The following INSC variants were observed in gnomAD, a reference collection of about 807,000 sequenced individuals.
INSC encodes INSC spindle orientation adaptor protein.
INSC carries 67 observed loss-of-function variants against 58.6 expected under a neutral mutation model. The observed-to-expected ratio is 1.14, with a 90% confidence interval of 0.94 to 1.40. The LOEUF is 1.40. INSC is among the 40% of genes most tolerant of loss of function. The pLI is 0.00. For synonymous variants in INSC, 262 were observed against 276.1 expected (o/e 0.95, Z 0.51); for missense variants, 714 against 692.0 (o/e 1.03, Z -0.36).
chr11:15,250,176 G>C (rs988450779), downstream of INSC, among the ~76,000 whole-genome samples: 12 of 152,192 alleles, frequency 7.9e-5, no homozygotes, highest in African/African-American at 2.9e-4. Flanking sequence ...TATGGAGAAA[G>C]AGTCACCACT....
At chr11:15,148,818 G>A (rs1848559232) in intron 1 of INSC, among the ~76,000 whole-genome samples, 2 of 152,208 alleles carry the variant, frequency 1.3e-5, no homozygotes, top group Non-Finnish European at 2.9e-5. Context: ...AGTATGTCCT[G>A]TGCAATACGT....
intron 1 of INSC, among the ~76,000 whole-genome samples, chr11:15,115,716 C>T (rs1407069657): frequency 6.6e-6 from 1 of 152,186 alleles, no homozygotes; most frequent in Non-Finnish European, 1.5e-5. Flanking sequence ...GCAGTGCACC[C>T]ACGCTTACAT....
intron 1 of INSC, among the ~76,000 whole-genome samples, chr11:15,139,797 A>G (rs1322408030): frequency 6.6e-6 from 1 of 152,246 alleles, no homozygotes; most frequent in Non-Finnish European, 1.5e-5. Flanking sequence ...GAAGGTGGCT[A>G]AAAGGGCCAA....
chr11:15,129,703 G>A (rs1432774452), intron 1 of INSC, among the ~76,000 whole-genome samples: 1 of 152,018 alleles, frequency 6.6e-6, no homozygotes, highest in Non-Finnish European at 1.5e-5. Context: ...AACTATACTT[G>A]ACTTTTGAAT....
chr11:15,125,744 G>A lies in INSC; in HGVS notation c.-46+10741G>A, dbSNP rs116917818. On this transcript the variant is annotated intron_variant, in intron 1 of 12. Transcript: ENST00000379556. ...TGCTGGCTAATATGGGCATATTCTT[G>A]TGGGACTTTGGCCCTCTCAGGGAGA... Among the ~76,000 whole-genome samples, 14 of 152,210 alleles carry A rather than the reference G, an allele frequency of 9.2e-5. No homozygotes were observed. In the East Asian group the frequency reaches 2.7e-3, roughly 29 times the overall value.
At chr11:15,221,688 C>T (rs754692460) in intron 8 of INSC, 40 bp downstream of exon 8, 3 of 1,554,170 alleles carry the variant, frequency 1.9e-6, no homozygotes, top group Admixed American at 3.8e-5. Flanking sequence ...GGAGAGAGGG[C>T]CTTGGCACAG....
At chr11:15,242,261 T>A (rs1264716698) in intron 12 of INSC, among the ~76,000 whole-genome samples, 1 of 152,206 alleles carries the variant, frequency 6.6e-6, no homozygotes, top group Admixed American at 6.5e-5. Context: ...TTGTGATTAT[T>A]ACAGCTATCA....
chr11:15,112,656 G>C, upstream of INSC: 1 of 239,638 alleles, frequency 4.2e-6, no homozygotes, highest in Non-Finnish European at 8.2e-6. Context: ...GTGGGGGGGG[G>C]GCATTTATGC....
intron 2 of INSC, among the ~76,000 whole-genome samples, chr11:15,167,929 T>C (rs1261571223): frequency 6.6e-6 from 1 of 152,090 alleles, no homozygotes; most frequent in Non-Finnish European, 1.5e-5. Flanking sequence ...AATTATATCT[T>C]GGCGGCTCAT....
chr11:15,242,665 T>C (rs1429015068), intron 12 of INSC, among the ~76,000 whole-genome samples: 1 of 152,176 alleles, frequency 6.6e-6, no homozygotes, highest in Non-Finnish European at 1.5e-5. Flanking sequence ...AAATGTTTTC[T>C]CTGTAAATCT....
chr11:15,202,103 A>G (rs571114727), intron 7 of INSC, among the ~76,000 whole-genome samples: 1 of 152,290 alleles, frequency 6.6e-6, no homozygotes, highest in African/African-American at 2.4e-5. Flanking sequence ...TGACAAGGCT[A>G]TGGGTCAGAA....
intron 12 of INSC, among the ~76,000 whole-genome samples, chr11:15,243,586 G>A (rs1214234621): frequency 1.3e-5 from 2 of 152,094 alleles, no homozygotes; most frequent in Admixed American, 6.5e-5. Flanking sequence ...GGTGCTCTGA[G>A]CTACTGTAGG....
chr11:15,227,539 T>C (rs527814755), intron 9 of INSC, among the ~76,000 whole-genome samples: 1 of 152,312 alleles, frequency 6.6e-6, no homozygotes, highest in East Asian at 1.9e-4. Flanking sequence ...CTCCAAACTA[T>C]GTATGATATG....
chr11:15,253,244 G>C, the INSC span, among the ~76,000 whole-genome samples: 1 of 152,128 alleles, frequency 6.6e-6, no homozygotes, highest in Non-Finnish European at 1.5e-5. Context: ...GGGGTAAGGA[G>C]GGCTGGGAGC....
chr11:15,142,680 G>GCT (rs954747116), intron 1 of INSC, among the ~76,000 whole-genome samples: 29 of 152,314 alleles, frequency 1.9e-4, no homozygotes, highest in African/African-American at 7.0e-4. Context: ...TGAACACAGA[G>GCT]CTGGGAGTGG....
At chr11:15,127,277 G>T (rs1848018976) in intron 1 of INSC, among the ~76,000 whole-genome samples, 2 of 152,214 alleles carry the variant, frequency 1.3e-5, no homozygotes, top group Non-Finnish European at 2.9e-5. Flanking sequence ...GTCCTAAGAA[G>T]CTTAAAGCCA....
At chr11:15,254,071 A>AT in the INSC span, among the ~76,000 whole-genome samples, 3 of 152,176 alleles carry the variant, frequency 2.0e-5, no homozygotes, top group African/African-American at 4.8e-5. Context: ...ACATGGAGTC[A>AT]TTTTACCAAG....
At chr11:15,235,754 G>C (rs1041743490) in intron 10 of INSC, 86 bp downstream of exon 10, 273 of 1,145,532 alleles carry the variant, frequency 2.4e-4, no homozygotes, top group Middle Eastern at 1.4e-3. Context: ...TGCCTGTGCA[G>C]GTATGTAAAT....
At chr11:15,176,500 G>T (rs994998165) in intron 3 of INSC, among the ~76,000 whole-genome samples, 1 of 152,182 alleles carries the variant, frequency 6.6e-6, no homozygotes, top group East Asian at 1.9e-4. Context: ...TAAATTTGTT[G>T]TGAGGACTAG....
Sources: gnomAD v4.1 joint callset for allele counts (sites outside exome capture counted in the v4.1 genomes callset) on GRCh38, gnomAD v4.1.1 for gene constraint, MANE v1.5 for transcripts, NCBI Gene and HGNC (gene_info 2026-07-23, HGNC 2026-07-21) for gene names.